Variants in USP48 observed in about 807,000 individuals in gnomAD.
USP48 encodes ubiquitin specific peptidase 48.
Under a neutral mutation model 150.7 loss-of-function variants are expected in USP48, and 43 were observed. The observed-to-expected ratio is 0.29, with a 90% confidence interval of 0.22 to 0.37. The LOEUF (loss-of-function observed/expected upper bound fraction) is 0.37. Ranked by LOEUF, USP48 falls within the 10% of genes least tolerant of loss-of-function variation. The pLI is 1.00. For missense variants in USP48, 813 were observed against 1,249.6 expected, an observed-to-expected ratio of 0.65 and a Z score of 5.27; for synonymous variants, 396 against 425.9, an observed-to-expected ratio of 0.93 and a Z score of 0.86.
At chr1:21,717,291 C>G (rs761297722) in intron 14 of USP48, among the ~76,000 whole-genome samples, 73 of 152,214 alleles carry the variant, frequency 4.8e-4, no homozygotes, top group Non-Finnish European at 8.5e-4. Context: ...GGGGTCCCAG[C>G]TACTCAGGAG....
chr1:21,772,427 T>A (rs1476538462), intron 1 of USP48, among the ~76,000 whole-genome samples: 2 of 150,940 alleles, frequency 1.3e-5, no homozygotes, highest in Admixed American at 1.3e-4. Context: ...ATTGAGACCA[T>A]CCCGGCTAAC....
chr1:21,778,351 A>C (rs1451194889), intron 1 of USP48, among the ~76,000 whole-genome samples: 1 of 152,120 alleles, frequency 6.6e-6, no homozygotes, highest in Admixed American at 6.6e-5. Flanking sequence ...CGCACCCACT[A>C]GGATGGCTAA....
At chr1:21,703,219 G>A (rs2097662368) in intron 21 of USP48, among the ~76,000 whole-genome samples, 1 of 152,178 alleles carries the variant, frequency 6.6e-6, no homozygotes, top group African/African-American at 2.4e-5. Flanking sequence ...ATAATTTTGA[G>A]AGAAGGTATT....
chr1:21,714,900 A>G (rs920420557), intron 15 of USP48, among the ~76,000 whole-genome samples: 23 of 152,266 alleles, frequency 1.5e-4, no homozygotes, highest in Admixed American at 3.9e-4. Context: ...TCCCACCACT[A>G]TGGAAGGCCA....
chr1:21,694,463 C>T (rs1272646270), intron 23 of USP48, among the ~76,000 whole-genome samples: 1 of 150,112 alleles, frequency 6.7e-6, no homozygotes, highest in Non-Finnish European at 1.5e-5. Context: ...CCCAGCTACT[C>T]AGGAGGCTGA....
chr1:21,751,693 G>C (rs2097814436), intron 5 of USP48, 78 bp from the exon 6 acceptor site: 4 of 1,086,230 alleles, frequency 3.7e-6, no homozygotes, highest in Non-Finnish European at 5.5e-6. Flanking sequence ...ATCCTAGAAA[G>C]ATGGAAAAAA....
intron 14 of USP48, among the ~76,000 whole-genome samples, chr1:21,716,129 G>C (rs572246349): frequency 4.6e-5 from 7 of 152,222 alleles, no homozygotes; most frequent in Non-Finnish European, 8.8e-5. Flanking sequence ...TGTTCCTATA[G>C]ATCTTAGTAA....
intron 1 of USP48, among the ~76,000 whole-genome samples, chr1:21,770,450 T>C (rs2097876297): frequency 6.6e-6 from 1 of 151,660 alleles, no homozygotes; most frequent in African/African-American, 2.4e-5. Context: ...GACAGATAAA[T>C]TTCTTTTGTG....
chr1:21,772,432 G>A (rs1408651721), intron 1 of USP48, among the ~76,000 whole-genome samples: 1 of 151,476 alleles, frequency 6.6e-6, no homozygotes, highest in Non-Finnish European at 1.5e-5. Flanking sequence ...GACCATCCCG[G>A]CTAACACAGT....
At chr1:21,707,038 G>A (rs1321529398) in intron 15 of USP48, 170 bp from the exon 16 acceptor site, 7 of 815,282 alleles carry the variant, frequency 8.6e-6, no homozygotes, top group Middle Eastern at 3.7e-4. Flanking sequence ...CTGAATTTCC[G>A]ATTTCATTTT....
At chr1:21,696,400 T>C (rs937109022) in intron 22 of USP48, among the ~76,000 whole-genome samples, 2 of 152,198 alleles carry the variant, frequency 1.3e-5, no homozygotes, top group East Asian at 1.9e-4. Flanking sequence ...ATTGCGCCAC[T>C]GCACTCCAGC....
intron 22 of USP48, among the ~76,000 whole-genome samples, chr1:21,699,192 ATTTTTTTT>A (rs71016932): frequency 4.7e-5 from 3 of 63,612 alleles, no homozygotes; most frequent in Non-Finnish European, 6.2e-5. Flanking sequence ...ACCACACCTA[ATTTTTTTT>A]TTTTTTTTTT....
At chr1:21,690,120 G>A (rs775877724) in intron 23 of USP48, 21 bp from the exon 24 acceptor site, 1 of 1,592,934 alleles carries the variant, frequency 6.3e-7, no homozygotes. Context: ...ATAAAAGAGA[G>A]AAAGTCCGTA....
At chr1:21,727,910 G>A in intron 11 of USP48, 1 of 983,274 alleles carries the variant, frequency 1.0e-6, no homozygotes, top group Non-Finnish European at 1.2e-6. Context: ...CCTTAAGTAG[G>A]AATTAGGCTT....
chr1:21,687,061 A>C, intron 25 of USP48, 130 bp downstream of exon 25: 1 of 813,826 alleles, frequency 1.2e-6, no homozygotes, highest in Non-Finnish European at 2.0e-6. Context: ...AATGTATTCT[A>C]CTGTAACAAT....
intron 1 of USP48, among the ~76,000 whole-genome samples, chr1:21,759,663 G>A (rs2152613161): frequency 6.6e-6 from 1 of 152,218 alleles, no homozygotes; most frequent in Middle Eastern, 3.4e-3. Flanking sequence ...GTCAAATTTG[G>A]CAACAAAATT....
intron 8 of USP48, among the ~76,000 whole-genome samples, chr1:21,738,975 T>C (rs1021266075): frequency 6.6e-6 from 1 of 152,132 alleles, no homozygotes; most frequent in African/African-American, 2.4e-5. Flanking sequence ...ATAAAAATAT[T>C]TTTAAATCTT....
In USP48 at chr1:21,721,051, T is replaced by C. The variant is rs1181030209; in HGVS notation, c.1879A>G (p.Ser627Gly). The C allele has an allele frequency of 1.2e-6, 2 of 1,614,264 alleles. No homozygotes were observed. Among genetic ancestry groups the C allele is most frequent in the African/African-American group, 1.3e-5 (1 of 75,076 alleles). ...AEQSNGKMNG[S>G]TLNKDESKEE... is the part of the protein sequence containing the mutation. ...AAAGTGTTACCTTTATTTAAGGTGC[T>C]ACCGTTCATCTTTCCGTTGCTTTGT... The change falls in exon 14 of 27, where the codon AGC becomes GGC. Residue 627 changes from serine (S) to glycine (G), a missense_variant. Physicochemically the swap from Ser to Gly is moderately conservative, Grantham distance 56. Transcript: ENST00000308271.
At chr1:21,708,900 AAAG>A (rs2097681919) in intron 15 of USP48, among the ~76,000 whole-genome samples, 11 of 58,984 alleles carry the variant, frequency 1.9e-4, no homozygotes, top group East Asian at 1.9e-3. Context: ...AAAAAAAAAA[AAAG>A]AAAGAAAAGA....
Sources: allele counts gnomAD v4.1 joint callset (sites outside exome capture counted in the v4.1 genomes callset), GRCh38; gene constraint gnomAD v4.1.1; transcripts MANE v1.5; gene names NCBI Gene and HGNC (gene_info 2026-07-23, HGNC 2026-07-21).